Variants in NFIB observed in about 807,000 individuals in gnomAD.
NFIB encodes nuclear factor I B.
NFIB carries 11 observed loss-of-function variants against 61.5 expected under a neutral mutation model. That is an observed-to-expected ratio of 0.18 (90% CI 0.11 to 0.30). The LOEUF is 0.30. NFIB is among the 10% of genes least tolerant of loss of function. The pLI is 1.00. For synonymous variants in NFIB, 260 were observed against 216.5 expected (o/e 1.20, Z -1.76); for missense variants, 471 against 608.9 (o/e 0.77, Z 2.38).
At chr9:14,366,297 T>C (rs929268692) in intron 1 of NFIB, among the ~76,000 whole-genome samples, 1 of 151,942 alleles carries the variant, frequency 6.6e-6, no homozygotes, top group Non-Finnish European at 1.5e-5. Context: ...CTGTGAAAAA[T>C]TACTTTCCAA....
At chr9:14,497,540 G>A in the NFIB span, among the ~76,000 whole-genome samples, 5 of 152,274 alleles carry the variant, frequency 3.3e-5, no homozygotes, top group African/African-American at 1.2e-4. Context: ...CAAACATAAT[G>A]TGTTCATCAT....
At chr9:14,462,037 G>T in the NFIB span, among the ~76,000 whole-genome samples, 1 of 152,112 alleles carries the variant, frequency 6.6e-6, no homozygotes, top group Non-Finnish European at 1.5e-5. Context: ...GAACCTCCTG[G>T]GCAGAGTGTC....
At chr9:14,335,205 T>C (rs1026362632) in intron 1 of NFIB, among the ~76,000 whole-genome samples, 5 of 152,232 alleles carry the variant, frequency 3.3e-5, no homozygotes, top group South Asian at 2.1e-4. Flanking sequence ...AGCAATGGAA[T>C]GTCTGGGCAT....
chr9:14,501,409 T>C, the NFIB span, among the ~76,000 whole-genome samples: 483 of 152,340 alleles, frequency 3.2e-3, no homozygotes, highest in African/African-American at 0.011. Context: ...AGTATTTTAA[T>C]CTTCTTTCTT....
intron 2 of NFIB, among the ~76,000 whole-genome samples, chr9:14,304,191 A>C (rs1489638960): frequency 6.6e-6 from 1 of 152,220 alleles, no homozygotes; most frequent in East Asian, 1.9e-4. Context: ...AGCTCTGGTA[A>C]CTCTTCCCAC....
intron 1 of NFIB, chr9:14,321,901 A>C: frequency 8.1e-7 from 1 of 1,231,758 alleles, no homozygotes; most frequent in Non-Finnish European, 1.0e-6. Context: ...AAGAACGAAT[A>C]AAAGAAGCAA....
the NFIB span, among the ~76,000 whole-genome samples, chr9:14,529,085 A>G: frequency 1.3e-5 from 2 of 152,156 alleles, no homozygotes; most frequent in Non-Finnish European, 2.9e-5. Context: ...GATATTTAAC[A>G]CACACACAGG....
the NFIB span, among the ~76,000 whole-genome samples, chr9:14,454,939 T>C: frequency 2.6e-5 from 4 of 152,332 alleles, no homozygotes; most frequent in South Asian, 2.1e-4. Flanking sequence ...CTGGAATGAA[T>C]TGAATTCTGA....
chr9:14,322,272 C>A, intron 1 of NFIB: 4 of 444,218 alleles, frequency 9.0e-6, no homozygotes. Context: ...GTTTCTCGTG[C>A]TTGACTTGAA....
rs891130225 is a variant in NFIB at position 14,087,969 on chromosome 9, A to C, written c.*340T>G. ...CTTCATGTAACAAAGGCTACGTTGC[A>C]GGGGCTGCGATCTACCATCAGTGAA... On this transcript the variant is annotated 3_prime_UTR_variant, in exon 11 of 11. Coordinates refer to ENST00000380953, the MANE Select transcript of NFIB (RefSeq NM_001190737.2). 7.1e-6 allele frequency: 2 copies of C among 280,912 alleles called. No individual in the cohort carries two copies. The highest frequency in any genetic ancestry group is 6.7e-6 in the Non-Finnish European group (1 of 150,098). 17.4% of individuals were successfully genotyped at this position (280,912 alleles called of 1,614,324 possible).
intron 2 of NFIB, among the ~76,000 whole-genome samples, chr9:14,218,182 C>T (rs1040378406): frequency 2.6e-5 from 4 of 152,120 alleles, no homozygotes; most frequent in African/African-American, 4.8e-5. Flanking sequence ...AGGAAAAATA[C>T]TGAAGAAAAA....
At chr9:14,512,892 C>G in the NFIB span, among the ~76,000 whole-genome samples, 4 of 136,408 alleles carry the variant, frequency 2.9e-5, no homozygotes, top group African/African-American at 1.1e-4. Context: ...TTTGAAACTT[C>G]GAAAGAATTT....
intron 2 of NFIB, among the ~76,000 whole-genome samples, chr9:14,272,719 ATTCT>A: frequency 8.3e-6 from 1 of 120,086 alleles, no homozygotes; most frequent in African/African-American, 3.0e-5. Context: ...AAAAAAAAAA[ATTCT>A]ATCTTTTTAT....
rs1460457657 is a variant in NFIB at position 14,226,405 on chromosome 9, G to A, written c.563-46625C>T. On this transcript the variant is annotated intron_variant, in intron 2 of 10. Transcript: ENST00000380953. ...CTCTACAAAAACTAAAAAATTGGCC[G>A]GGCAGGGTGGCATGCACCTGTAGTC... 3.3e-5 allele frequency among the ~76,000 whole-genome samples: 5 copies of A among 151,776 alleles called. No individual in the cohort carries two copies. In the East Asian group the frequency reaches 7.7e-4, roughly 24 times the overall value.
At chr9:14,231,135 A>AAT (rs1554681460) in intron 2 of NFIB, among the ~76,000 whole-genome samples, 420 of 35,352 alleles carry the variant, frequency 0.012, 11 homozygotes, top group South Asian at 0.022. Context: ...AAAAAAAAAA[A>AAT]ATATATATAT....
the NFIB span, among the ~76,000 whole-genome samples, chr9:14,502,275 A>G: frequency 1.3e-5 from 2 of 152,212 alleles, no homozygotes; most frequent in African/African-American, 4.8e-5. Flanking sequence ...ATGTTTATGT[A>G]TAGTTTTTCC....
At chr9:14,338,723 T>A (rs556702321) in intron 1 of NFIB, among the ~76,000 whole-genome samples, 49 of 152,092 alleles carry the variant, frequency 3.2e-4, no homozygotes, top group Non-Finnish European at 5.9e-4. Flanking sequence ...TTTTCTTCTT[T>A]TCTTCCTTCC....
chr9:14,295,753 T>A (rs1162913413), intron 2 of NFIB, among the ~76,000 whole-genome samples: 1 of 151,908 alleles, frequency 6.6e-6, no homozygotes, highest in Admixed American at 6.6e-5. Flanking sequence ...GGCAATTTAA[T>A]TTTTTTGTAC....
At chr9:14,222,433 G>A (rs4741350) in intron 2 of NFIB, among the ~76,000 whole-genome samples, 16 of 151,490 alleles carry the variant, frequency 1.1e-4, no homozygotes, top group Non-Finnish European at 1.8e-4. Context: ...TCAAGCTCCA[G>A]GTAAACTGGT....
Sources: allele counts gnomAD v4.1 joint callset (sites outside exome capture counted in the v4.1 genomes callset), GRCh38; gene constraint gnomAD v4.1.1; transcripts MANE v1.5; gene names NCBI Gene and HGNC (gene_info 2026-07-23, HGNC 2026-07-21).